Variants in MAL observed in about 807,000 individuals in gnomAD.
MAL encodes mal, T cell differentiation protein (MAL blood group).
MAL carries 5 observed loss-of-function variants against 16.7 expected under a neutral mutation model. The ratio of observed to expected loss-of-function variants is 0.30; its 90% CI spans 0.16 to 0.63. The LOEUF (loss-of-function observed/expected upper bound fraction) is 0.63. MAL is among the 30% of genes least tolerant of loss of function. The pLI is 0.82. For missense variants in MAL, 202 were observed against 195.8 expected, an observed-to-expected ratio of 1.03 and a Z score of -0.19; for synonymous variants, 96 against 85.5, an observed-to-expected ratio of 1.12 and a Z score of -0.67.
chr2:95,033,497 G>A (rs950871686), intron 1 of MAL, among the ~76,000 whole-genome samples: 4 of 152,212 alleles, frequency 2.6e-5, no homozygotes, highest in Admixed American at 1.3e-4. Context: ...TTAACATGGA[G>A]GAGGCTCCAT....
intron 1 of MAL, among the ~76,000 whole-genome samples, chr2:95,041,566 GAGTCA>G (rs1674467444): frequency 6.6e-6 from 1 of 152,160 alleles, no homozygotes; most frequent in Non-Finnish European, 1.5e-5. Context: ...GATATAACCT[GAGTCA>G]CAACTACTGT....
intron 1 of MAL, among the ~76,000 whole-genome samples, chr2:95,027,883 A>G (rs1332096462): frequency 1.3e-5 from 2 of 152,166 alleles, no homozygotes; most frequent in Non-Finnish European, 2.9e-5. Context: ...CAACTCGACA[A>G]CAAAAAGACA....
At chr2:95,039,112 C>CTGAGTGACTGAG (rs1674361178) in intron 1 of MAL, among the ~76,000 whole-genome samples, 1 of 62,588 alleles carries the variant, frequency 1.6e-5, no homozygotes, top group African/African-American at 6.5e-5. Context: ...GAGTAAGTGT[C>CTGAGTGACTGAG]TGAGTGACTG....
At chr2:95,042,208 A>T (rs1674483753) in intron 1 of MAL, among the ~76,000 whole-genome samples, 1 of 152,218 alleles carries the variant, frequency 6.6e-6, no homozygotes, top group African/African-American at 2.4e-5. Flanking sequence ...GGAGGGGGGC[A>T]GTCGGCTGGC....
intron 1 of MAL, among the ~76,000 whole-genome samples, chr2:95,038,822 G>T (rs1444298995): frequency 6.6e-6 from 1 of 151,862 alleles, no homozygotes; most frequent in Non-Finnish European, 1.5e-5. Flanking sequence ...GTGACTGAGT[G>T]AGTGAGTGAG....
chr2:95,033,497 G>C (rs950871686), intron 1 of MAL, among the ~76,000 whole-genome samples: 2 of 152,094 alleles, frequency 1.3e-5, no homozygotes, highest in Admixed American at 6.5e-5. Flanking sequence ...TTAACATGGA[G>C]GAGGCTCCAT....
intron 1 of MAL, among the ~76,000 whole-genome samples, chr2:95,044,130 G>T (rs1484100952): frequency 6.6e-6 from 1 of 152,218 alleles, no homozygotes; most frequent in Non-Finnish European, 1.5e-5. Flanking sequence ...TTTCTCACCT[G>T]AAGACATTAT....
chr2:95,041,337 T>C (rs1674459886), intron 1 of MAL, among the ~76,000 whole-genome samples: 1 of 152,224 alleles, frequency 6.6e-6, no homozygotes, highest in South Asian at 2.1e-4. Context: ...TTTTCTCAAC[T>C]TTTGGTTTCT....
intron 1 of MAL, chr2:95,026,498 AGGAGATG>A: frequency 5.4e-5 from 1 of 18,376 alleles, no homozygotes; most frequent in Non-Finnish European, 1.1e-4. Context: ...GTGGGGGTGG[AGGAGATG>A]GGGGGTGGGG....
At chr2:95,053,198 TGA>T in intron 3 of MAL, 181 bp from the exon 4 acceptor site, 1 of 628,384 alleles carries the variant, frequency 1.6e-6, no homozygotes, top group Non-Finnish European at 2.9e-6. Context: ...AGCTCTGTAC[TGA>T]GAGGATTTGG....
At chr2:95,046,941 AAAG>A (rs1674601885) in intron 1 of MAL, among the ~76,000 whole-genome samples, 1 of 151,632 alleles carries the variant, frequency 6.6e-6, no homozygotes, top group African/African-American at 2.4e-5. Context: ...AAAGAGAAAG[AAAG>A]AAAGAGAAAA....
chr2:95,052,509 G>C (rs1457022748), intron 3 of MAL, among the ~76,000 whole-genome samples: 2 of 152,222 alleles, frequency 1.3e-5, no homozygotes, highest in Non-Finnish European at 2.9e-5. Context: ...AGGAGAGCAG[G>C]CACCCTGAGG....
chr2:95,039,328 C>CTGAGTGAG (rs1170081356), intron 1 of MAL, among the ~76,000 whole-genome samples: 1 of 83,260 alleles, frequency 1.2e-5, no homozygotes, highest in Non-Finnish European at 2.5e-5. Context: ...GAGTGAGTGA[C>CTGAGTGAG]TGAGTGAGTG....
At chr2:95,027,399 C>A (rs1673969090) in intron 1 of MAL, among the ~76,000 whole-genome samples, 1 of 152,164 alleles carries the variant, frequency 6.6e-6, no homozygotes, top group African/African-American at 2.4e-5. Flanking sequence ...GAAACAACTC[C>A]CCCTCGCCCA....
Position 95,048,037 on chromosome 2 carries a change from G to A in MAL, c.172G>A (p.Val58Met), listed in dbSNP as rs1019393850. Residue 58 changes from valine (V) to methionine (M), a missense_variant, in exon 2 of 4, where the codon GTG (valine) becomes ATG (methionine). Physicochemically the swap from Val to Met is conservative, Grantham distance 21 (BLOSUM62 1). Transcript: ENST00000309988. ...CCTGGTCCAGGGCTGGGTGATGTTC[G>A]TGTCTGTGTTCTGCTTCGTGGCCAC... ...WPLVQGWVMF[V>M]SVFCFVATTT... 36 of 1,613,828 alleles carry A rather than the reference G, an allele frequency of 2.2e-5. No homozygotes were observed. The highest frequency in any genetic ancestry group is 3.3e-5 in the Admixed American group (2 of 60,000).
At chr2:95,042,372 TTCATGGGAATCAGAC>T (rs1335755602) in intron 1 of MAL, among the ~76,000 whole-genome samples, 1 of 152,234 alleles carries the variant, frequency 6.6e-6, no homozygotes, top group Non-Finnish European at 1.5e-5. Context: ...CTCTGCTTCT[TTCATGGGAATCAGAC>T]TCTGGGCATG....
At chr2:95,046,762 T>G (rs577773920) in intron 1 of MAL, among the ~76,000 whole-genome samples, 3 of 151,040 alleles carry the variant, frequency 2.0e-5, no homozygotes, top group Admixed American at 1.3e-4. Flanking sequence ...AATCTGATCA[T>G]CAGAACACTT....
chr2:95,035,064 G>A lies in MAL; in HGVS notation c.93+9179G>A, dbSNP rs146844114. ...AAGATGAGTCCTTGACCTCAAAGGCGGACAGAGGGTGAAACTGACAAAGGC... is the reference window on the plus strand; with the variant it reads ...AAGATGAGTCCTTGACCTCAAAGGCAGACAGAGGGTGAAACTGACAAAGGC... On this transcript the variant is annotated intron_variant, in intron 1 of 3. Coordinates refer to ENST00000309988, the MANE Select transcript of MAL (RefSeq NM_002371.4). Among the ~76,000 whole-genome samples the A allele has an allele frequency of 2.1e-3, 313 of 152,244 alleles. 1 individual carries two copies. Among genetic ancestry groups the A allele is most frequent in the Middle Eastern group, 0.01 (3 of 294 alleles).
intron 2 of MAL, among the ~76,000 whole-genome samples, chr2:95,049,356 A>G (rs1674661960): frequency 6.6e-6 from 1 of 152,152 alleles, no homozygotes; most frequent in South Asian, 2.1e-4. Context: ...TCCTCAGGGG[A>G]GACCAGTGTC....
Sources: gnomAD v4.1 joint callset for allele counts (sites outside exome capture counted in the v4.1 genomes callset) on GRCh38, gnomAD v4.1.1 for gene constraint, MANE v1.5 for transcripts, NCBI Gene and HGNC (gene_info 2026-07-23, HGNC 2026-07-21) for gene names.